Variants in PARD3B observed in about 807,000 individuals in gnomAD.
The protein encoded by PARD3B is partitioning defective 3 homolog B.
PARD3B carries 103 observed loss-of-function variants against 130.2 expected under a neutral mutation model. The observed-to-expected ratio is 0.79, with a 90% CI of 0.67 to 0.93. PARD3B has a LOEUF of 0.93. Ranked by LOEUF, PARD3B falls within the 40% of genes least tolerant of loss-of-function variation. PARD3B has a pLI of 0.00. For synonymous variants in PARD3B, 583 were observed against 553.2 expected (o/e 1.05, Z -0.76); for missense variants, 1,609 against 1,499.2 (o/e 1.07, Z -1.21).
In PARD3B at chr2:205,244,647, T is replaced by G. The variant is rs2039492397; in HGVS notation, c.2141-1131T>G. 6.6e-6 allele frequency among the ~76,000 whole-genome samples: 1 copy of G among 152,318 alleles called. No homozygotes were observed. ...GAAGCCATCTGGGCCTAGAGTTTTGTTTGTGGGAAAGTTTTACTTATAAAC... is the reference window on the plus strand; with the variant it reads ...GAAGCCATCTGGGCCTAGAGTTTTGGTTGTGGGAAAGTTTTACTTATAAAC... On this transcript the variant is annotated intron_variant, in intron 15 of 22. Coordinates refer to ENST00000406610, the MANE Select transcript of PARD3B (RefSeq NM_001302769.2). The surrounding 1 kb of genome is among the most constrained non-coding windows in gnomAD (Gnocchi z 4.7).
chr2:204,604,751 A>G (rs2033647112), intron 1 of PARD3B, among the ~76,000 whole-genome samples: 1 of 152,192 alleles, frequency 6.6e-6, no homozygotes. Context: ...TAAACAGTGC[A>G]TTCCAGCCTT....
At chr2:204,926,607 G>A (rs1219768624) in intron 2 of PARD3B, among the ~76,000 whole-genome samples, 2 of 152,036 alleles carry the variant, frequency 1.3e-5, no homozygotes, top group Non-Finnish European at 2.9e-5. Flanking sequence ...AGTTCGATCC[G>A]TGACAGCATT....
At chr2:205,559,759 C>G (rs892509748) in intron 22 of PARD3B, among the ~76,000 whole-genome samples, 2 of 151,886 alleles carry the variant, frequency 1.3e-5, no homozygotes, top group Non-Finnish European at 2.9e-5. Context: ...CCACCATGCC[C>G]GGCTAATTTT....
chr2:205,342,288 G>A (rs2043572475), intron 18 of PARD3B, among the ~76,000 whole-genome samples: 2 of 152,070 alleles, frequency 1.3e-5, no homozygotes, highest in South Asian at 4.2e-4. Context: ...ATTTTTCTGT[G>A]GATTAGTTTC....
chr2:205,186,002 G>A, intron 14 of PARD3B, 139 bp downstream of exon 14: 1 of 691,538 alleles, frequency 1.4e-6, no homozygotes, highest in Non-Finnish European at 2.4e-6. Context: ...TTCCTTTCCA[G>A]CGAAAGCTTC....
chr2:204,915,843 T>C (rs571511459), intron 2 of PARD3B, among the ~76,000 whole-genome samples: 1 of 152,322 alleles, frequency 6.6e-6, no homozygotes, highest in African/African-American at 2.4e-5. Flanking sequence ...AAATAAAGTG[T>C]CTTTCGTAAT....
Position 205,158,839 on chromosome 2 carries a change from T to A in PARD3B, c.1552T>A (p.Ser518Thr). ...CGGGGTGAGCTTAAAAGGGAACAAA[T>A]CCAGAGAAACTGGAACAGACTTGGG... is the stretch of plus-strand genomic sequence containing the variant. Reference protein sequence around the residue: ...GLGVSLKGNKSRETGTDLGIF... With the variant: ...GLGVSLKGNKTRETGTDLGIF... Residue 518 changes from serine to threonine, a missense_variant, in exon 11 of 23, where the codon TCC (serine) becomes ACC (threonine). Coordinates refer to ENST00000406610, the MANE Select transcript of PARD3B (RefSeq NM_001302769.2). The surrounding 1 kb of genome is among the most constrained non-coding windows in gnomAD (Gnocchi z 5.4). The A allele has an allele frequency of 6.2e-7, 1 of 1,614,070 alleles. No individual in the cohort carries two copies. The highest frequency in any genetic ancestry group is 8.5e-7 in the Non-Finnish European group (1 of 1,180,006).
chr2:205,173,408 T>G (rs2035288658), intron 12 of PARD3B, among the ~76,000 whole-genome samples: 1 of 152,172 alleles, frequency 6.6e-6, no homozygotes, highest in African/African-American at 2.4e-5. Context: ...CATACATAAT[T>G]TAGTGCTTGG....
Position 205,158,879 on chromosome 2 carries a change from C to G in PARD3B, c.1592C>G (p.Ser531Cys), listed in dbSNP as rs1168874217. ...TGTDLGIFIK[S>C]IIHGGAAFKD... Reference sequence around the variant, plus strand: ...ACAGACTTGGGGATTTTTATCAAATCCATCATTCATGGAGGCGCTGCTTTT... The same window carrying G: ...ACAGACTTGGGGATTTTTATCAAATGCATCATTCATGGAGGCGCTGCTTTT... Residue 531 changes from serine to cysteine, a missense_variant, in exon 11 of 23, where the codon TCC becomes TGC. Transcript: ENST00000406610. The surrounding 1 kb of genome is among the most constrained non-coding windows in gnomAD (Gnocchi z 5.4). 1.2e-6 allele frequency: 2 copies of G among 1,613,934 alleles called. No homozygotes were observed. The highest frequency in any genetic ancestry group is 1.7e-6 in the Non-Finnish European group (2 of 1,179,988).
intron 16 of PARD3B, 148 bp downstream of exon 16, chr2:205,245,970 C>A: frequency 1.6e-6 from 1 of 640,770 alleles, no homozygotes; most frequent in East Asian, 2.7e-5. Flanking sequence ...ACAAAGATGA[C>A]TTATTGCTTG....
intron 2 of PARD3B, among the ~76,000 whole-genome samples, chr2:204,821,830 A>G (rs1448242973): frequency 6.6e-6 from 1 of 152,128 alleles, no homozygotes; most frequent in African/African-American, 2.4e-5. Flanking sequence ...CATGATTGTG[A>G]GGCCACCCCA....
intron 11 of PARD3B, 69 bp from the exon 12 acceptor site, chr2:205,172,142 C>A: frequency 7.0e-7 from 1 of 1,436,690 alleles, no homozygotes; most frequent in Non-Finnish European, 9.4e-7. Flanking sequence ...TTGAACTTTT[C>A]CCCAAAACGC....
intron 22 of PARD3B, among the ~76,000 whole-genome samples, chr2:205,601,556 A>G (rs945427399): frequency 1.3e-5 from 2 of 152,152 alleles, no homozygotes; most frequent in African/African-American, 2.4e-5. Context: ...CGATGTTTTC[A>G]TCATGAAATC....
chr2:205,231,813 G>A (rs961997423), intron 15 of PARD3B, among the ~76,000 whole-genome samples: 4 of 152,156 alleles, frequency 2.6e-5, no homozygotes, highest in African/African-American at 7.2e-5. Context: ...TCTGCATAGC[G>A]TGAACTCCAC....
intron 10 of PARD3B, among the ~76,000 whole-genome samples, chr2:205,153,440 G>A (rs1254156491): frequency 2.0e-5 from 3 of 152,128 alleles, no homozygotes; most frequent in African/African-American, 7.2e-5. Context: ...TGGATAGGAA[G>A]AATCAATATC....
At chr2:204,619,738 C>G (rs1397980754) in intron 1 of PARD3B, among the ~76,000 whole-genome samples, 1 of 152,150 alleles carries the variant, frequency 6.6e-6, no homozygotes, top group South Asian at 2.1e-4. Context: ...GACAAAGATA[C>G]AACTTCAGAC....
Position 204,632,581 on chromosome 2 carries a change from A to G in PARD3B, c.121-53600A>G, listed in dbSNP as rs553407984. ...TGCCAGAGGGTCTGCTCCATACCCT[A>G]GGTGCCTGGGTTTTGCCAGTACCTG... On this transcript the variant is annotated intron_variant, in intron 1 of 22. Coordinates refer to ENST00000406610, the MANE Select transcript of PARD3B (RefSeq NM_001302769.2). Among the ~76,000 whole-genome samples the G allele has an allele frequency of 2.0e-5, 3 of 152,216 alleles. No individual in the cohort carries two copies. The East Asian group carries it at 5.8e-4, about 29-fold the overall frequency.
At chr2:205,413,406 A>T (rs1453818588) in intron 19 of PARD3B, among the ~76,000 whole-genome samples, 1 of 152,104 alleles carries the variant, frequency 6.6e-6, no homozygotes, top group Non-Finnish European at 1.5e-5. Context: ...TTCTCTCAGG[A>T]TCTAATACAT....
intron 2 of PARD3B, among the ~76,000 whole-genome samples, chr2:204,945,495 A>T (rs566748911): frequency 6.6e-6 from 1 of 152,312 alleles, no homozygotes; most frequent in Admixed American, 6.5e-5. Flanking sequence ...ACAGAAAAGG[A>T]ACACAGTCTT....
Sources: gnomAD v4.1 joint callset for allele counts (sites outside exome capture counted in the v4.1 genomes callset) on GRCh38, gnomAD v4.1.1 for gene constraint, Gnocchi (gnomAD v3.1) non-coding constraint, MANE v1.5 for transcripts, NCBI Gene and HGNC (gene_info 2026-07-23, HGNC 2026-07-21) for gene names.